CSMD1: variants seen among roughly 807,000 people sequenced by gnomAD.
The protein encoded by CSMD1 is CUB and Sushi multiple domains 1.
Under a neutral mutation model 417.5 loss-of-function variants are expected in CSMD1, and 213 were observed. The observed-to-expected ratio is 0.51, with a 90% CI of 0.46 to 0.57. CSMD1 has a LOEUF of 0.57. CSMD1 is among the 20% of genes least tolerant of loss of function. The pLI is 0.00. For synonymous variants in CSMD1, 2,862 were observed against 1,736.8 expected, an observed-to-expected ratio of 1.65 and a Z score of -16.11; for missense variants, 6,923 against 4,529.7, an observed-to-expected ratio of 1.53 and a Z score of -15.17.
At chr8:3,484,410 G>C (rs953254574) in intron 11 of CSMD1, among the ~76,000 whole-genome samples, 1 of 152,178 alleles carries the variant, frequency 6.6e-6, no homozygotes, top group Non-Finnish European at 1.5e-5. Context: ...CTCAACCTCT[G>C]TCTCATGCCA....
intron 3 of CSMD1, among the ~76,000 whole-genome samples, chr8:4,379,482 A>G (rs942066550): frequency 1.3e-5 from 2 of 152,206 alleles, no homozygotes. Context: ...AGTTTTGACA[A>G]TTGCATTCTG....
intron 5 of CSMD1, among the ~76,000 whole-genome samples, chr8:3,909,269 T>C (rs1808300931): frequency 6.6e-6 from 1 of 152,142 alleles, no homozygotes; most frequent in South Asian, 2.1e-4. Flanking sequence ...GGTGTCAGTG[T>C]TGAGGCACTT....
intron 1 of CSMD1, among the ~76,000 whole-genome samples, chr8:4,860,154 C>T (rs60959219): frequency 0.02 from 2,987 of 150,336 alleles, 86 homozygotes; most frequent in African/African-American, 0.054. Flanking sequence ...AGTAAACTAT[C>T]GCAAGAACAA....
In CSMD1 at chr8:3,174,089, A is replaced by G. The variant is rs10113349; in HGVS notation, c.5725+7021T>C. ...AAGGAAGTATTTTAATGGCACATTC[A>G]TAAGAAACGTGACTTCACAGTAATA... On this transcript the variant is annotated intron_variant, in intron 37 of 69. Coordinates refer to ENST00000635120, the MANE Select transcript of CSMD1 (RefSeq NM_033225.6). 4.4e-3 allele frequency among the ~76,000 whole-genome samples: 673 copies of G among 152,358 alleles called. 7 individuals are homozygous for G. Among genetic ancestry groups the G allele is most frequent in the African/African-American group, 0.016 (653 of 41,578 alleles).
intron 1 of CSMD1, 95 bp downstream of exon 1, chr8:4,994,237 C>G: frequency 8.8e-7 from 1 of 1,132,982 alleles, no homozygotes; most frequent in Non-Finnish European, 1.3e-6. Context: ...GGCGGCCACT[C>G]CGTACCCTGC....
intron 5 of CSMD1, among the ~76,000 whole-genome samples, chr8:3,775,577 G>A (rs1393456662): frequency 6.6e-6 from 1 of 152,204 alleles, no homozygotes; most frequent in African/African-American, 2.4e-5. Context: ...GATCTCCAGT[G>A]TGGACTCATG....
intron 1 of CSMD1, among the ~76,000 whole-genome samples, chr8:4,949,926 G>A (rs1005009301): frequency 6.6e-6 from 1 of 152,190 alleles, no homozygotes; most frequent in South Asian, 2.1e-4. Flanking sequence ...GTGTGTGTGT[G>A]TGTGTATTCT....
At chr8:4,890,944 C>A (rs1410302295) in intron 1 of CSMD1, among the ~76,000 whole-genome samples, 1 of 151,988 alleles carries the variant, frequency 6.6e-6, no homozygotes, top group Non-Finnish European at 1.5e-5. Flanking sequence ...GGCAGAGAAT[C>A]CAAGGGAAAG....
At chr8:4,442,700 T>G (rs192933865) in intron 2 of CSMD1, among the ~76,000 whole-genome samples, 10 of 152,312 alleles carry the variant, frequency 6.6e-5, no homozygotes, top group Non-Finnish European at 2.9e-5. Flanking sequence ...AAAAGGTAGT[T>G]CCCCGAAATG....
chr8:4,928,348 T>C (rs774154677), intron 1 of CSMD1, among the ~76,000 whole-genome samples: 1 of 152,216 alleles, frequency 6.6e-6, no homozygotes, highest in Non-Finnish European at 1.5e-5. Flanking sequence ...GGTATCACTG[T>C]CTGTGGTTAT....
At chr8:2,965,084 GTTC>G (rs1803843348) in intron 59 of CSMD1, among the ~76,000 whole-genome samples, 1 of 152,126 alleles carries the variant, frequency 6.6e-6, no homozygotes, top group Non-Finnish European at 1.5e-5. Flanking sequence ...AGTCTGGATA[GTTC>G]TTCTTTGCTT....
chr8:4,245,853 A>C (rs190940027), intron 3 of CSMD1, among the ~76,000 whole-genome samples: 261 of 152,280 alleles, frequency 1.7e-3, no homozygotes, highest in African/African-American at 5.6e-3. Flanking sequence ...TAATCACATA[A>C]TCTTTGAACA....
At chr8:4,555,634 T>C (rs1386828377) in intron 2 of CSMD1, among the ~76,000 whole-genome samples, 1 of 152,156 alleles carries the variant, frequency 6.6e-6, no homozygotes, top group African/African-American at 2.4e-5. Flanking sequence ...TAATTCTTCA[T>C]GATAAAAATG....
At chr8:4,327,501 T>C (rs1226787075) in intron 3 of CSMD1, among the ~76,000 whole-genome samples, 1 of 152,230 alleles carries the variant, frequency 6.6e-6, no homozygotes, top group Non-Finnish European at 1.5e-5. Context: ...CTGTGCTGAG[T>C]GCCTTTCTTG....
intron 30 of CSMD1, among the ~76,000 whole-genome samples, chr8:3,210,692 A>G (rs1408641227): frequency 6.7e-6 from 1 of 149,542 alleles, no homozygotes. Context: ...ATATATGTAT[A>G]TACACTATAT....
chr8:4,821,043 C>T (rs1799492502), intron 1 of CSMD1, among the ~76,000 whole-genome samples: 1 of 152,014 alleles, frequency 6.6e-6, no homozygotes, highest in Non-Finnish European at 1.5e-5. Context: ...TGCTCCACAC[C>T]AAGAAGAACA....
rs187293858 is a variant in CSMD1 at position 3,301,956 on chromosome 8, C to T, written c.3950+5739G>A. ...TCTATGCACTTTTTTTTCAGTGTCT[C>T]GTCTAAAGAAATCTCATATAATTTA... is the stretch of plus-strand genomic sequence containing the variant. On this transcript the variant is annotated intron_variant, in intron 25 of 69. Coordinates refer to ENST00000635120, the MANE Select transcript of CSMD1 (RefSeq NM_033225.6). 1.3e-4 allele frequency among the ~76,000 whole-genome samples: 20 copies of T among 151,850 alleles called. No homozygotes were observed. In the East Asian group the frequency reaches 2.9e-3, roughly 22 times the overall value.
intron 2 of CSMD1, among the ~76,000 whole-genome samples, chr8:4,520,749 AAATTT>A (rs1208662181): frequency 1.3e-5 from 2 of 152,222 alleles, no homozygotes; most frequent in African/African-American, 2.4e-5. Flanking sequence ...TAATTGAATT[AAATTT>A]AATTTATGAA....
intron 10 of CSMD1, among the ~76,000 whole-genome samples, chr8:3,496,380 C>G (rs1214411764): frequency 3.3e-5 from 5 of 152,140 alleles, no homozygotes; most frequent in African/African-American, 1.2e-4. Flanking sequence ...ATGTGGCTTG[C>G]TCGTGGAGGG....
Sources: allele counts gnomAD v4.1 joint callset (sites outside exome capture counted in the v4.1 genomes callset), GRCh38; gene constraint gnomAD v4.1.1; transcripts MANE v1.5; gene names NCBI Gene and HGNC (gene_info 2026-07-23, HGNC 2026-07-21).